MDGA2: variants seen among roughly 807,000 people sequenced by gnomAD.
MDGA2 encodes the protein MAM domain containing glycosylphosphatidylinositol anchor 2.
In MDGA2, 40 loss-of-function variants were observed where a neutral mutation model predicts 117.8. That is an observed-to-expected ratio of 0.34 (90% CI 0.26 to 0.44). The LOEUF (loss-of-function observed/expected upper bound fraction) is 0.44. Ranked by LOEUF, MDGA2 falls within the 20% of genes least tolerant of loss-of-function variation. The pLI, the probability that MDGA2 is intolerant of heterozygous loss-of-function variation, is 1.00. For synonymous variants in MDGA2, 452 were observed against 439.0 expected, an observed-to-expected ratio of 1.03 and a Z score of -0.37; for missense variants, 1,123 against 1,250.6, an observed-to-expected ratio of 0.90 and a Z score of 1.54.
chr14:47,303,462 C>A (rs1889347163), intron 1 of MDGA2, among the ~76,000 whole-genome samples: 1 of 152,000 alleles, frequency 6.6e-6, no homozygotes, highest in African/African-American at 2.4e-5. Context: ...CATTAGAAAT[C>A]CTTATCTTTG....
intron 1 of MDGA2, among the ~76,000 whole-genome samples, chr14:47,492,238 G>A (rs928360711): frequency 1.3e-5 from 2 of 152,066 alleles, no homozygotes; most frequent in Non-Finnish European, 2.9e-5. Flanking sequence ...TGAACCCAAA[G>A]TGCGTATCAA....
chr14:47,090,689 C>T (rs937356432), intron 6 of MDGA2, among the ~76,000 whole-genome samples: 22 of 152,138 alleles, frequency 1.4e-4, no homozygotes, highest in African/African-American at 4.8e-4. Flanking sequence ...TACTGTAGTT[C>T]TTCAGAAGCT....
At chr14:47,056,896 T>A (rs943328159) in intron 7 of MDGA2, among the ~76,000 whole-genome samples, 2 of 152,196 alleles carry the variant, frequency 1.3e-5, no homozygotes, top group Admixed American at 6.6e-5. Flanking sequence ...GAAGTTTTTT[T>A]ATTTTGTAAA....
chr14:47,211,235 A>C (rs373371976), intron 3 of MDGA2, among the ~76,000 whole-genome samples: 127 of 152,146 alleles, frequency 8.3e-4, no homozygotes, highest in African/African-American at 2.8e-3. Context: ...TCACCCATTA[A>C]AAGATACCTT....
At chr14:46,871,036 A>G (rs946590325) in intron 14 of MDGA2, 2 of 151,868 alleles carry the variant, frequency 1.3e-5, no homozygotes, top group Admixed American at 1.3e-4. Context: ...TATTCAAAAC[A>G]AAGAGGAAAC....
At position 47,522,345 on chromosome 14, in the gene MDGA2, GTATATATA is replaced by G. The variant is rs573334602; in HGVS notation, c.280+152164_280+152171del. Among the ~76,000 whole-genome samples, 132 of 115,588 alleles carry G rather than the reference GTATATATA, an allele frequency of 1.1e-3. 1 individual carries two copies. Among genetic ancestry groups the G allele is most frequent in the African/African-American group, 3.8e-3 (122 of 32,462 alleles). 75.8% of individuals were successfully genotyped at this position (115,588 alleles called of 152,430 possible). On this transcript the variant is annotated intron_variant, in intron 1 of 16. Coordinates refer to ENST00000399232, the MANE Select transcript of MDGA2 (RefSeq NM_001113498.3). ...TATATTTGTGTATGTGTGTATATAT[GTATATATA>G]TGTATATATGTGTATATATACACAC... is the stretch of plus-strand genomic sequence containing the variant.
At chr14:47,540,514 ATGTATATGTG>A (rs1279201262) in intron 1 of MDGA2, among the ~76,000 whole-genome samples, 4 of 98,272 alleles carry the variant, frequency 4.1e-5, no homozygotes, top group African/African-American at 1.0e-4. Flanking sequence ...GTATATGTAT[ATGTATATGTG>A]TGTGTGTGTG....
In MDGA2 at chr14:46,922,182, A is replaced by G. The variant is rs545567593; in HGVS notation, c.2090-2022T>C. On this transcript the variant is annotated intron_variant, in intron 9 of 16. Transcript: ENST00000399232. The stretch of plus-strand genomic sequence containing the variant: ...ATAAATGTTAACAGATACATGAAAT[A>G]AGATGAATACCAGTGATTTCCGAAT... 2.0e-5 allele frequency among the ~76,000 whole-genome samples: 3 copies of G among 152,328 alleles called. No homozygotes were observed. In the East Asian group the frequency reaches 5.8e-4, roughly 29 times the overall value.
At chr14:47,543,732 T>C (rs1471199469) in intron 1 of MDGA2, among the ~76,000 whole-genome samples, 1 of 152,238 alleles carries the variant, frequency 6.6e-6, no homozygotes, top group Non-Finnish European at 1.5e-5. Context: ...CATAAAAATC[T>C]ATAAATCATC....
chr14:47,498,092 A>G (rs1211402159), intron 1 of MDGA2, among the ~76,000 whole-genome samples: 1 of 152,156 alleles, frequency 6.6e-6, no homozygotes, highest in Non-Finnish European at 1.5e-5. Flanking sequence ...ACTTTTTCTG[A>G]AAGTTAAGTA....
chr14:47,168,993 A>G (rs1266227356), intron 3 of MDGA2, among the ~76,000 whole-genome samples: 1 of 152,058 alleles, frequency 6.6e-6, no homozygotes, highest in Non-Finnish European at 1.5e-5. Context: ...TTATTGATAA[A>G]ATTAAGTGGC....
intron 2 of MDGA2, among the ~76,000 whole-genome samples, chr14:47,271,596 A>G (rs895374053): frequency 2.6e-5 from 4 of 152,158 alleles, no homozygotes; most frequent in East Asian, 1.9e-4. Flanking sequence ...GATAAAAGTC[A>G]GAGTTCCCGT....
chr14:47,013,772 G>GTGTATATA (rs1555343310), intron 8 of MDGA2, among the ~76,000 whole-genome samples: 33 of 93,696 alleles, frequency 3.5e-4, no homozygotes, highest in Non-Finnish European at 5.0e-4. Context: ...TAATTTCCTT[G>GTGTATATA]TATATATATA....
intron 3 of MDGA2, among the ~76,000 whole-genome samples, chr14:47,155,852 A>T (rs1490826053): frequency 5.1e-5 from 6 of 118,736 alleles, no homozygotes; most frequent in Non-Finnish European, 5.5e-5. Flanking sequence ...TTTTATATGA[A>T]TTTTTTTACA....
chr14:46,863,448 C>G (rs1336150309), intron 14 of MDGA2, among the ~76,000 whole-genome samples: 1 of 152,116 alleles, frequency 6.6e-6, no homozygotes, highest in Non-Finnish European at 1.5e-5. Context: ...CTGTGCAATT[C>G]ATCCTATTGA....
chr14:47,234,003 A>G (rs1886777582), intron 2 of MDGA2, among the ~76,000 whole-genome samples: 1 of 152,110 alleles, frequency 6.6e-6, no homozygotes, highest in Non-Finnish European at 1.5e-5. Flanking sequence ...AACCCTTAAA[A>G]TGTTTTCGTC....
At chr14:47,446,428 G>C (rs1313192541) in intron 1 of MDGA2, among the ~76,000 whole-genome samples, 1 of 152,122 alleles carries the variant, frequency 6.6e-6, no homozygotes, top group Non-Finnish European at 1.5e-5. Flanking sequence ...CCTAAACAGA[G>C]AGCTACAGCT....
chr14:47,537,954 T>C (rs961829312), intron 1 of MDGA2, among the ~76,000 whole-genome samples: 1 of 152,204 alleles, frequency 6.6e-6, no homozygotes, highest in African/African-American at 2.4e-5. Flanking sequence ...TGGGCAGTTT[T>C]ATACCTTAAT....
At chr14:47,369,554 C>G (rs530909086) in intron 1 of MDGA2, among the ~76,000 whole-genome samples, 4 of 152,210 alleles carry the variant, frequency 2.6e-5, no homozygotes, top group African/African-American at 9.6e-5. Flanking sequence ...CTGCAGTCCT[C>G]CAGCCATCTC....
Sources: gnomAD v4.1 joint callset for allele counts (sites outside exome capture counted in the v4.1 genomes callset) on GRCh38, gnomAD v4.1.1 for gene constraint, MANE v1.5 for transcripts, NCBI Gene and HGNC (gene_info 2026-07-23, HGNC 2026-07-21) for gene names.